Variants in ZEB1 observed in about 807,000 individuals in gnomAD.
ZEB1 encodes the protein zinc finger E-box-binding homeobox 1.
A neutral mutation model predicts 84.9 loss-of-function variants in ZEB1; 21 were observed. That is an observed-to-expected ratio of 0.25 (90% CI 0.18 to 0.36). The LOEUF (loss-of-function observed/expected upper bound fraction) is 0.36, where lower values mean the gene tolerates loss of function less well. Among genes scored for constraint, ZEB1 ranks in the 10% least tolerant of loss-of-function variants. The probability of loss-of-function intolerance (pLI) is 1.00; values close to 1 mark genes in which losing one functional copy is unlikely to be tolerated. For synonymous variants in ZEB1, 420 were observed against 471.1 expected, an observed-to-expected ratio of 0.89 and a Z score of 1.41; for missense variants, 1,104 against 1,330.2, an observed-to-expected ratio of 0.83 and a Z score of 2.65.
At chr10:31,329,914 G>T (rs1205385440) in intron 1 of ZEB1, among the ~76,000 whole-genome samples, 1 of 152,056 alleles carries the variant, frequency 6.6e-6, no homozygotes, top group Non-Finnish European at 1.5e-5. Flanking sequence ...TTATTATTCA[G>T]TTGTAAGAGT....
At chr10:31,386,122 CAGTT>C (rs2048603595) in intron 1 of ZEB1, among the ~76,000 whole-genome samples, 1 of 151,982 alleles carries the variant, frequency 6.6e-6, no homozygotes, top group Admixed American at 6.6e-5. Flanking sequence ...TGGATGAAAA[CAGTT>C]AATACTAAAG....
At chr10:31,453,278 G>A (rs935918576) in intron 1 of ZEB1, among the ~76,000 whole-genome samples, 6 of 151,812 alleles carry the variant, frequency 4.0e-5, no homozygotes, top group African/African-American at 9.7e-5. Context: ...CACAGTTATC[G>A]TCGGACAAGA....
intron 1 of ZEB1, among the ~76,000 whole-genome samples, chr10:31,404,718 G>A (rs763609243): frequency 2.6e-5 from 4 of 152,022 alleles, no homozygotes; most frequent in Admixed American, 6.6e-5. Flanking sequence ...CTTTTGTCTT[G>A]TTCAAACTGC....
chr10:31,398,341 A>G (rs972957678), intron 1 of ZEB1, among the ~76,000 whole-genome samples: 2 of 152,080 alleles, frequency 1.3e-5, no homozygotes, highest in African/African-American at 4.8e-5. Flanking sequence ...TATTAATATT[A>G]TTGTATGAGA....
In ZEB1 at chr10:31,345,303, CG is replaced by C. The variant is rs1263043984; in HGVS notation, c.58+26016del. The stretch of plus-strand genomic sequence containing the variant: ...ATAGAAAAAAATAGATTGGCAGGGG[CG>C]GGGGTTGTATTATATAATGTAATAA... On this transcript the variant is annotated intron_variant, in intron 1 of 8. Coordinates refer to ENST00000424869, the MANE Select transcript of ZEB1 (RefSeq NM_001174096.2). Among the ~76,000 whole-genome samples, 4 of 151,944 alleles carry C rather than the reference CG, an allele frequency of 2.6e-5. No homozygotes were observed. The East Asian group carries it at 7.7e-4, about 29-fold the overall frequency.
At position 31,521,861 on chromosome 10, in the gene ZEB1, A is replaced by G. The variant is rs762153189; in HGVS notation, c.2529A>G (p.Ala843=). 6 of 1,614,056 alleles carry G rather than the reference A, an allele frequency of 3.7e-6. No individual in the cohort carries two copies. The highest frequency in any genetic ancestry group is 5.1e-6 in the Non-Finnish European group (6 of 1,179,976). Residue 843 remains alanine, a synonymous_variant, in exon 7 of 9, where the codon GCA becomes GCG. Coordinates refer to ENST00000424869, the MANE Select transcript of ZEB1 (RefSeq NM_001174096.2). ...NKQTILIPQV[A]YTYSTTVSPA... is the part of the protein sequence containing the mutation. ...AAACGATTCTGATTCCCCAGGTGGC[A>G]TACACCTACTCAACTACGGTCAGCC...
At chr10:31,477,475 C>T (rs559008873) in intron 2 of ZEB1, among the ~76,000 whole-genome samples, 1 of 152,050 alleles carries the variant, frequency 6.6e-6, no homozygotes, top group South Asian at 2.1e-4. Flanking sequence ...CCCTAATTAC[C>T]AATGTCATTC....
At chr10:31,521,978 T>G (rs776777957) in intron 7 of ZEB1, 42 bp downstream of exon 7, 1 of 1,613,240 alleles carries the variant, frequency 6.2e-7, no homozygotes, top group East Asian at 2.2e-5. Flanking sequence ...AGTAATATGC[T>G]ATTTGACTAA....
intron 1 of ZEB1, among the ~76,000 whole-genome samples, chr10:31,406,623 C>T (rs984969786): frequency 2.0e-5 from 3 of 150,464 alleles, no homozygotes; most frequent in Admixed American, 1.3e-4. Context: ...TTGCAAAAAT[C>T]TTCTCCCATT....
chr10:31,461,246 G>A lies in ZEB1; in HGVS notation c.259+9G>A. ...CTGCTGGGAGGATGACAGTAAGTCT[G>A]ATTTTTTTTTGTAATATTGTATTCT... is the stretch of plus-strand genomic sequence containing the variant. On this transcript the variant is annotated intron_variant, in intron 2 of 8. Coordinates refer to ENST00000424869, the MANE Select transcript of ZEB1 (RefSeq NM_001174096.2). 1 of 1,605,086 alleles carries A rather than the reference G, an allele frequency of 6.2e-7. No homozygotes were observed. Among genetic ancestry groups the A allele is most frequent in the East Asian group, 2.2e-5 (1 of 44,456 alleles).
chr10:31,408,426 T>C (rs2135695127), intron 1 of ZEB1, among the ~76,000 whole-genome samples: 1 of 152,012 alleles, frequency 6.6e-6, no homozygotes, highest in South Asian at 2.1e-4. Context: ...GAAAAGAGCC[T>C]GCATCGCCAA....
At chr10:31,492,969 A>G (rs1286042030) in intron 2 of ZEB1, among the ~76,000 whole-genome samples, 1 of 151,998 alleles carries the variant, frequency 6.6e-6, no homozygotes, top group Non-Finnish European at 1.5e-5. Flanking sequence ...CAAATAATAC[A>G]GAGAAATCCT....
At chr10:31,361,661 C>T (rs954018364) in intron 1 of ZEB1, among the ~76,000 whole-genome samples, 92 of 150,498 alleles carry the variant, frequency 6.1e-4, no homozygotes, top group Non-Finnish European at 1.0e-3. Context: ...CAGAGGTGCT[C>T]CTCACTTTCC....
chr10:31,424,625 C>A (rs886181999), intron 1 of ZEB1, among the ~76,000 whole-genome samples: 3 of 151,914 alleles, frequency 2.0e-5, no homozygotes, highest in Admixed American at 6.6e-5. Flanking sequence ...TATTTATAAT[C>A]AACTCTGTGG....
At chr10:31,470,285 A>C (rs2063040350) in intron 2 of ZEB1, among the ~76,000 whole-genome samples, 1 of 150,052 alleles carries the variant, frequency 6.7e-6, no homozygotes, top group South Asian at 2.1e-4. Context: ...AGGACATTCA[A>C]ACCAAAGGCA....
intron 1 of ZEB1, among the ~76,000 whole-genome samples, chr10:31,371,976 A>G (rs1037357684): frequency 5.9e-5 from 9 of 152,104 alleles, no homozygotes; most frequent in African/African-American, 1.9e-4. Flanking sequence ...CATCAGAAAT[A>G]GGCTGGATAG....
intron 7 of ZEB1, among the ~76,000 whole-genome samples, chr10:31,523,410 G>C (rs1178962604): frequency 6.6e-6 from 1 of 152,154 alleles, no homozygotes; most frequent in African/African-American, 2.4e-5. Flanking sequence ...CAAGGAGACC[G>C]TGGAGGTTAA....
chr10:31,339,705 G>A (rs1480435145), intron 1 of ZEB1, among the ~76,000 whole-genome samples: 1 of 151,722 alleles, frequency 6.6e-6, no homozygotes, highest in African/African-American at 2.4e-5. Context: ...GGGAGGCAGA[G>A]GTTGCAGTGA....
At chr10:31,400,027 T>A (rs944200000) in intron 1 of ZEB1, among the ~76,000 whole-genome samples, 1 of 152,220 alleles carries the variant, frequency 6.6e-6, no homozygotes, top group African/African-American at 2.4e-5. Flanking sequence ...AAGCTTTCTT[T>A]AGCCACTTGA....
Sources: gnomAD v4.1 joint callset for allele counts (sites outside exome capture counted in the v4.1 genomes callset) on GRCh38, gnomAD v4.1.1 for gene constraint, MANE v1.5 for transcripts, NCBI Gene and HGNC (gene_info 2026-07-23, HGNC 2026-07-21) for gene names.